MDN1: variants seen among roughly 807,000 people sequenced by gnomAD.
MDN1 encodes midasin AAA ATPase 1, also known as midasin.
MDN1 carries 266 observed loss-of-function variants against 669.2 expected under a neutral mutation model. The observed-to-expected ratio is 0.40, with a 90% CI of 0.36 to 0.44. MDN1 has a LOEUF of 0.44. MDN1 is among the 20% of genes least tolerant of loss of function. The pLI, the probability that MDN1 is intolerant of heterozygous loss-of-function variation, is 1.00. For synonymous variants in MDN1, 2,385 were observed against 2,457.1 expected (o/e 0.97, Z 0.87); for missense variants, 5,940 against 6,754.0 (o/e 0.88, Z 4.22).
Position 89,789,825 on chromosome 6 carries a change from G to T in MDN1, c.1185C>A (p.Gly395=), listed in dbSNP as rs1251564412. The T allele has an allele frequency of 6.2e-7, 1 of 1,614,048 alleles. No homozygotes were observed. Among genetic ancestry groups the T allele is most frequent in the East Asian group, 2.2e-5 (1 of 44,870 alleles). ...CAATATCCTCCAGAAGGATCCAGTG[G>T]CCCATTGTGGCTGCCTGTGTCAGGG... ...PGTLTQAATM[G]HWILLEDIDY... Residue 395 remains glycine, a synonymous_variant, in exon 7 of 102, where the codon GGC becomes GGA. Transcript: ENST00000369393.
At chr6:89,718,157 A>G (rs1252909394) in intron 43 of MDN1, among the ~76,000 whole-genome samples, 1 of 152,232 alleles carries the variant, frequency 6.6e-6, no homozygotes, top group African/African-American at 2.4e-5. Flanking sequence ...AAGCAACGTA[A>G]CCAATTTTTT....
chr6:89,783,016 G>A (rs1818760822), intron 9 of MDN1, among the ~76,000 whole-genome samples: 1 of 152,106 alleles, frequency 6.6e-6, no homozygotes, highest in Non-Finnish European at 1.5e-5. Flanking sequence ...TGTGTTAACT[G>A]TACAAATTGA....
intron 76 of MDN1, among the ~76,000 whole-genome samples, chr6:89,677,114 C>T (rs1008459316): frequency 2.7e-5 from 4 of 148,786 alleles, no homozygotes; most frequent in African/African-American, 9.9e-5. Context: ...TTTTTTTTGA[C>T]AGAGTCTTAC....
rs537155828 is a variant in MDN1 at position 89,693,292 on chromosome 6, C to T, written c.9882-144G>A. 9.6e-5 allele frequency: 60 copies of T among 624,492 alleles called. No individual in the cohort carries two copies. The African/African-American group carries it at 1.1e-3, about 11-fold the overall frequency. 38.7% of individuals were successfully genotyped at this position (624,492 alleles called of 1,614,324 possible). Reference sequence around the variant, plus strand: ...CAATATCATCTCAGTTGTGATAATACTGACAATTAGTTAATGAAAATGGAT... The same window carrying T: ...CAATATCATCTCAGTTGTGATAATATTGACAATTAGTTAATGAAAATGGAT... On this transcript the variant is annotated intron_variant, in intron 62 of 101. Transcript: ENST00000369393.
chr6:89,647,278 A>G (rs951244364), intron 99 of MDN1, among the ~76,000 whole-genome samples: 1 of 152,256 alleles, frequency 6.6e-6, no homozygotes, highest in Admixed American at 6.5e-5. Flanking sequence ...AAGAAAATAC[A>G]AAATGTCCAG....
intron 53 of MDN1, among the ~76,000 whole-genome samples, chr6:89,704,447 A>G (rs1813389178): frequency 6.6e-6 from 1 of 152,178 alleles, no homozygotes; most frequent in Non-Finnish European, 1.5e-5. Flanking sequence ...GAGATTTGTG[A>G]TTTTTCACAA....
chr6:89,751,491 T>C lies in MDN1; in HGVS notation c.3167A>G (p.Tyr1056Cys). 3 of 1,614,208 alleles carry C rather than the reference T, an allele frequency of 1.9e-6. No homozygotes were observed. The highest frequency in any genetic ancestry group is 2.5e-6 in the Non-Finnish European group (3 of 1,180,024). Residue 1056 changes from tyrosine (Y) to cysteine (C), a missense_variant, in exon 23 of 102, where the codon TAC becomes TGC. Tyr to Cys is a radical substitution (Grantham distance 194, BLOSUM62 -2). Coordinates refer to ENST00000369393, the MANE Select transcript of MDN1 (RefSeq NM_014611.3). ...CAGCTTCACAGAAGATGTCAGAATGTACGTCTCATCTATTGTAGGCTCCTT... is the reference window on the plus strand; with the variant it reads ...CAGCTTCACAGAAGATGTCAGAATGCACGTCTCATCTATTGTAGGCTCCTT... ...GDKEPTIDETYILTSSVKLNL... is the reference protein window; with the variant it reads ...GDKEPTIDETCILTSSVKLNL...
At chr6:89,718,653 C>G in intron 42 of MDN1, 26 bp from the exon 43 acceptor site, 1 of 1,610,726 alleles carries the variant, frequency 6.2e-7, no homozygotes. Context: ...GACATGAACT[C>G]ATCATAGGGT....
intron 82 of MDN1, 128 bp downstream of exon 82, chr6:89,672,072 C>A: frequency 1.1e-6 from 1 of 929,960 alleles, no homozygotes; most frequent in Non-Finnish European, 1.5e-6. Flanking sequence ...ATAAAGAGAC[C>A]AAGTTCTTAG....
intron 37 of MDN1, among the ~76,000 whole-genome samples, chr6:89,726,901 TC>T (rs1317121839): frequency 6.6e-6 from 1 of 152,118 alleles, no homozygotes. Flanking sequence ...TTCTGTATAT[TC>T]CCAAACAGAA....
intron 97 of MDN1, among the ~76,000 whole-genome samples, chr6:89,649,003 AAAAG>A (rs1306696875): frequency 6.6e-6 from 1 of 151,614 alleles, no homozygotes; most frequent in African/African-American, 2.4e-5. Context: ...AAAAAAAAAA[AAAAG>A]AAAGAAAGTG....
chr6:89,701,479 A>G, intron 55 of MDN1, 79 bp downstream of exon 55: 1 of 1,534,040 alleles, frequency 6.5e-7, no homozygotes, highest in Non-Finnish European at 8.9e-7. Context: ...ATCTTATACA[A>G]TGTCAGTTCC....
At chr6:89,719,308 A>AT (rs1247506543) in intron 40 of MDN1, 83 bp from the exon 41 acceptor site, 1 of 1,111,862 alleles carries the variant, frequency 9.0e-7, no homozygotes, top group Admixed American at 1.9e-5. Flanking sequence ...AAGCACAGTG[A>AT]TAAGAGTCAC....
intron 1 of MDN1, among the ~76,000 whole-genome samples, chr6:89,805,307 C>A (rs79886361): frequency 2.0e-5 from 3 of 152,014 alleles, no homozygotes; most frequent in Non-Finnish European, 4.4e-5. Context: ...TTTGGAAGGC[C>A]GAAGCAGACA....
At chr6:89,649,314 C>T (rs770272641) in intron 97 of MDN1, among the ~76,000 whole-genome samples, 5 of 152,154 alleles carry the variant, frequency 3.3e-5, no homozygotes, top group Non-Finnish European at 5.9e-5. Context: ...CCTCACTTTT[C>T]AGAAGGTGAA....
At chr6:89,684,140 T>C (rs375851138) in intron 71 of MDN1, among the ~76,000 whole-genome samples, 29 of 152,064 alleles carry the variant, frequency 1.9e-4, no homozygotes, top group Non-Finnish European at 3.1e-4. Context: ...GTAAGGAGAT[T>C]GAGACCATCC....
At chr6:89,784,977 C>G in intron 9 of MDN1, 35 bp downstream of exon 9, 1 of 1,403,008 alleles carries the variant, frequency 7.1e-7, no homozygotes, top group Non-Finnish European at 1.0e-6. Flanking sequence ...GCCACTGCAC[C>G]TGGCCAGCAT....
At position 89,731,407 on chromosome 6, in the gene MDN1, A is replaced by G. The variant is rs971111601; in HGVS notation, c.4943-484T>C. Among the ~76,000 whole-genome samples the G allele has an allele frequency of 2.0e-5, 3 of 152,306 alleles. No individual in the cohort carries two copies. In the East Asian group the frequency reaches 5.8e-4, roughly 29 times the overall value. On this transcript the variant is annotated intron_variant, in intron 34 of 101. Transcript: ENST00000369393. Reference sequence around the variant, plus strand: ...ACTGGATAAAGAAAATGTGGCACATATACAGCATGGAATACTACGCAGCCA... The same window carrying G: ...ACTGGATAAAGAAAATGTGGCACATGTACAGCATGGAATACTACGCAGCCA...
intron 88 of MDN1, among the ~76,000 whole-genome samples, chr6:89,659,918 G>A (rs1253622250): frequency 2.6e-5 from 4 of 151,852 alleles, no homozygotes; most frequent in Admixed American, 6.6e-5. Context: ...ATGGAGTCTC[G>A]CTCTTGTTGC....
Sources: gnomAD v4.1 joint callset for allele counts (sites outside exome capture counted in the v4.1 genomes callset) on GRCh38, gnomAD v4.1.1 for gene constraint, MANE v1.5 for transcripts, NCBI Gene and HGNC (gene_info 2026-07-23, HGNC 2026-07-21) for gene names.